Variants in NLK observed in about 807,000 individuals in gnomAD.
The protein encoded by NLK is serine/threonine-protein kinase NLK.
In NLK, 11 loss-of-function variants were observed where a neutral mutation model predicts 59.0. The ratio of observed to expected loss-of-function variants is 0.19; its 90% CI spans 0.12 to 0.31. The LOEUF (loss-of-function observed/expected upper bound fraction) is 0.31, where lower values mean the gene tolerates loss of function less well. Ranked by LOEUF, NLK falls within the 10% of genes least tolerant of loss-of-function variation. NLK has a pLI of 1.00. For missense variants in NLK, 410 were observed against 661.1 expected, an observed-to-expected ratio of 0.62 and a Z score of 4.16; for synonymous variants, 235 against 235.9, an observed-to-expected ratio of 1.00 and a Z score of 0.03.
intron 1 of NLK, among the ~76,000 whole-genome samples, chr17:28,120,969 G>T (rs1567719597): frequency 6.6e-6 from 1 of 152,190 alleles, no homozygotes; most frequent in African/African-American, 2.4e-5. Flanking sequence ...TTGAATGTCA[G>T]TCTCGTTGAT....
chr17:28,056,786 A>G (rs140515801), intron 1 of NLK, among the ~76,000 whole-genome samples: 123 of 152,154 alleles, frequency 8.1e-4, no homozygotes, highest in Non-Finnish European at 1.3e-3. Flanking sequence ...GATATATCCA[A>G]TGTAACTAAG....
chr17:28,089,816 A>G (rs969661000), intron 1 of NLK, among the ~76,000 whole-genome samples: 7 of 152,150 alleles, frequency 4.6e-5, no homozygotes, highest in African/African-American at 1.7e-4. Flanking sequence ...ATGACTAGTG[A>G]TCTGCCATCC....
In NLK at chr17:28,073,027, T is replaced by A. The variant is rs867530943; in HGVS notation, c.458+29696T>A. On this transcript the variant is annotated intron_variant, in intron 1 of 10. Transcript: ENST00000407008. Reference sequence around the variant, plus strand: ...TTTTTGAAGCAGGGTATTAGATTTTTTTTTTTCCAGAGATGATGTGAGTAT... The same window carrying A: ...TTTTTGAAGCAGGGTATTAGATTTTATTTTTTCCAGAGATGATGTGAGTAT... 2.6e-5 allele frequency among the ~76,000 whole-genome samples: 4 copies of A among 152,230 alleles called. No homozygotes were observed. In the South Asian group the frequency reaches 8.3e-4, roughly 32 times the overall value.
Position 28,078,196 on chromosome 17 carries a change from G to A in NLK, c.458+34865G>A, listed in dbSNP as rs149600298. Among the ~76,000 whole-genome samples the A allele has an allele frequency of 1.8e-3, 276 of 152,078 alleles. 1 individual carries two copies. The highest frequency in any genetic ancestry group is 6.3e-3 in the African/African-American group (260 of 41,474). ...TATTTTCTGTAATGGCAGCTGAATGGGGGTTTAGATCATTGCATATCCAGT... is the reference window on the plus strand; with the variant it reads ...TATTTTCTGTAATGGCAGCTGAATGAGGGTTTAGATCATTGCATATCCAGT... On this transcript the variant is annotated intron_variant, in intron 1 of 10. Coordinates refer to ENST00000407008, the MANE Select transcript of NLK (RefSeq NM_016231.5).
At chr17:28,099,515 A>G (rs1017246117) in intron 1 of NLK, among the ~76,000 whole-genome samples, 4 of 148,622 alleles carry the variant, frequency 2.7e-5, no homozygotes, top group Non-Finnish European at 5.9e-5. Context: ...TTTTGTAGAC[A>G]TTTATATTTT....
At position 28,189,871 on chromosome 17, in the gene NLK, G is replaced by A. The variant is rs139338803; in HGVS notation, c.1237-1150G>A. 2.5e-3 allele frequency among the ~76,000 whole-genome samples: 380 copies of A among 152,268 alleles called. 3 individuals are homozygous for A. Among genetic ancestry groups the A allele is most frequent in the African/African-American group, 8.4e-3 (351 of 41,560 alleles). On this transcript the variant is annotated intron_variant, in intron 8 of 10. Coordinates refer to ENST00000407008, the MANE Select transcript of NLK (RefSeq NM_016231.5). ...AAAAAAACAAGGTTATCAAGTATAC[G>A]TTTGCCTGTTCCTGGTAGATAAACA...
chr17:28,134,011 C>T (rs1385120054), intron 3 of NLK, among the ~76,000 whole-genome samples: 1 of 151,636 alleles, frequency 6.6e-6, no homozygotes, highest in East Asian at 1.9e-4. Flanking sequence ...TCTTTTAAAC[C>T]AAAAGCTCTT....
At chr17:28,055,991 T>G (rs1268714984) in intron 1 of NLK, among the ~76,000 whole-genome samples, 1 of 152,204 alleles carries the variant, frequency 6.6e-6, no homozygotes, top group Non-Finnish European at 1.5e-5. Context: ...AGAGTAATAG[T>G]ATGTTTATTG....
chr17:28,117,490 C>A (rs1250643917), intron 1 of NLK, among the ~76,000 whole-genome samples: 4 of 152,164 alleles, frequency 2.6e-5, no homozygotes, highest in Non-Finnish European at 5.9e-5. Flanking sequence ...GCTGTCTTAT[C>A]TGCTGAGATC....
At chr17:28,139,639 T>A (rs1024252318) in intron 3 of NLK, among the ~76,000 whole-genome samples, 13 of 152,324 alleles carry the variant, frequency 8.5e-5, no homozygotes, top group African/African-American at 2.2e-4. Flanking sequence ...TTAATTTTTT[T>A]AAAAATGTAA....
At chr17:28,159,408 T>C (rs1371430151) in intron 3 of NLK, among the ~76,000 whole-genome samples, 3 of 152,142 alleles carry the variant, frequency 2.0e-5, no homozygotes, top group Non-Finnish European at 4.4e-5. Context: ...TATAGCAAAA[T>C]ATTCAGTGTA....
intron 3 of NLK, among the ~76,000 whole-genome samples, chr17:28,151,435 A>T (rs1291428403): frequency 6.6e-6 from 1 of 152,200 alleles, no homozygotes. Context: ...AAACTGCATT[A>T]TTCATGGAGT....
rs529617959 is a variant in NLK at position 28,053,060 on chromosome 17, G to GCCA, written c.458+9732_458+9734dup. Among the ~76,000 whole-genome samples, 344 of 152,000 alleles carry GCCA rather than the reference G, an allele frequency of 2.3e-3. 1 individual carries two copies. Among genetic ancestry groups the GCCA allele is most frequent in the African/African-American group, 7.7e-3 (320 of 41,476 alleles). The stretch of plus-strand genomic sequence containing the variant: ...CAAAGTGCTGGGATTACAGGCCTGA[G>GCCA]CCACCGCACCTGGCCTCTCTTTGGC... On this transcript the variant is annotated intron_variant, in intron 1 of 10. Coordinates refer to ENST00000407008, the MANE Select transcript of NLK (RefSeq NM_016231.5).
At chr17:28,075,745 A>T (rs771148735) in intron 1 of NLK, among the ~76,000 whole-genome samples, 1 of 151,988 alleles carries the variant, frequency 6.6e-6, no homozygotes, top group Non-Finnish European at 1.5e-5. Flanking sequence ...GGTACAGACC[A>T]CTTTCTCGGT....
At chr17:28,097,777 A>C (rs182070633) in intron 1 of NLK, among the ~76,000 whole-genome samples, 11 of 152,316 alleles carry the variant, frequency 7.2e-5, no homozygotes. Context: ...AAGTTTTAGC[A>C]ACTAGGAAAC....
intron 1 of NLK, among the ~76,000 whole-genome samples, chr17:28,075,745 A>C (rs771148735): frequency 1.3e-5 from 2 of 151,988 alleles, no homozygotes; most frequent in Non-Finnish European, 2.9e-5. Flanking sequence ...GGTACAGACC[A>C]CTTTCTCGGT....
Position 28,170,280 on chromosome 17 carries a change from T to C in NLK, c.1047+1623T>C, listed in dbSNP as rs568265958. 2.6e-5 allele frequency among the ~76,000 whole-genome samples: 4 copies of C among 152,370 alleles called. No homozygotes were observed. In the South Asian group the frequency reaches 8.3e-4, roughly 32 times the overall value. The stretch of plus-strand genomic sequence containing the variant: ...TTCTAAGTGTGATAGAAAACTTAAA[T>C]GAAGGTTTTGACCAAAGGAATACTA... On this transcript the variant is annotated intron_variant, in intron 6 of 10. Coordinates refer to ENST00000407008, the MANE Select transcript of NLK (RefSeq NM_016231.5).
chr17:28,148,585 T>A (rs1359812503), intron 3 of NLK, among the ~76,000 whole-genome samples: 1 of 152,152 alleles, frequency 6.6e-6, no homozygotes, highest in Non-Finnish European at 1.5e-5. Context: ...TTTCAGTCAT[T>A]GGCCAAAAGG....
At chr17:28,169,636 G>T (rs779266553) in intron 6 of NLK, among the ~76,000 whole-genome samples, 11 of 151,668 alleles carry the variant, frequency 7.3e-5, no homozygotes, top group Non-Finnish European at 1.3e-4. Flanking sequence ...AGATTGGTGG[G>T]TTCAAATCCT....
Sources: allele counts gnomAD v4.1 joint callset (sites outside exome capture counted in the v4.1 genomes callset), GRCh38; gene constraint gnomAD v4.1.1; transcripts MANE v1.5; gene names NCBI Gene and HGNC (gene_info 2026-07-23, HGNC 2026-07-21).